Variants in CCNY observed in about 807,000 individuals in gnomAD.
CCNY encodes the protein cyclin-Y.
Under a neutral mutation model 42.8 loss-of-function variants are expected in CCNY, and 19 were observed. The ratio of observed to expected loss-of-function variants is 0.44; its 90% CI spans 0.31 to 0.65. CCNY has a LOEUF of 0.65. CCNY is among the 30% of genes least tolerant of loss of function. CCNY has a pLI of 0.07. For synonymous variants in CCNY, 165 were observed against 162.7 expected (o/e 1.01, Z -0.11); for missense variants, 370 against 437.3 (o/e 0.85, Z 1.37).
chr10:35,508,060 A>G lies in CCNY; in HGVS notation c.264+6525A>G, dbSNP rs148812944. 3.8e-4 allele frequency among the ~76,000 whole-genome samples: 58 copies of G among 152,240 alleles called. No individual in the cohort carries two copies. In the East Asian group the frequency reaches 9.8e-3, roughly 26 times the overall value. ...GCAGTCTCTGGGCAGGTACTTTAAA[A>G]CCATGTAGATATCCTGCACTTTATC... On this transcript the variant is annotated intron_variant, in intron 3 of 9. Coordinates refer to ENST00000374704, the MANE Select transcript of CCNY (RefSeq NM_145012.6).
At chr10:35,344,808 G>A (rs979625656) in intron 1 of CCNY, among the ~76,000 whole-genome samples, 80 of 151,954 alleles carry the variant, frequency 5.3e-4, no homozygotes, top group African/African-American at 1.9e-3. Context: ...TCCCACCTAT[G>A]AGTGAGAACA....
At position 35,447,483 on chromosome 10, in the gene CCNY, CCAT is replaced by C. The variant is rs1016074808; in HGVS notation, c.155-35911_155-35909del. 4.6e-5 allele frequency among the ~76,000 whole-genome samples: 7 copies of C among 152,176 alleles called. No homozygotes were observed. In the East Asian group the frequency reaches 9.6e-4, roughly 21 times the overall value. On this transcript the variant is annotated intron_variant, in intron 1 of 9. Transcript: ENST00000374704. ...TCTTGAGACAGTGGGGTGATTATGA[CCAT>C]CATCATCATTATCTCTGTCATTTCT...
intron 1 of CCNY, among the ~76,000 whole-genome samples, chr10:35,362,824 CG>C (rs536954965): frequency 2.8e-5 from 4 of 142,636 alleles, no homozygotes; most frequent in Non-Finnish European, 6.1e-5. Flanking sequence ...AGATAGTTGG[CG>C]GGGGGGCCAG....
chr10:35,378,953 A>G (rs1049245858), intron 1 of CCNY, among the ~76,000 whole-genome samples: 3 of 152,206 alleles, frequency 2.0e-5, no homozygotes, highest in Admixed American at 1.3e-4. Flanking sequence ...GAGGTTTCTC[A>G]TGGCCAGAGT....
chr10:35,287,215 G>A (rs969768512), intron 3 of CCNY, among the ~76,000 whole-genome samples: 1 of 152,074 alleles, frequency 6.6e-6, no homozygotes, highest in African/African-American at 2.4e-5. Context: ...GGCGTTGTAT[G>A]TTTCTTCAAA....
intron 7 of CCNY, among the ~76,000 whole-genome samples, chr10:35,540,270 G>A (rs932125585): frequency 2.0e-5 from 3 of 152,130 alleles, no homozygotes; most frequent in African/African-American, 7.2e-5. Context: ...TTTGTGTAGT[G>A]TTTTTATTTT....
At chr10:35,289,181 T>G (rs1161822546) in intron 3 of CCNY, among the ~76,000 whole-genome samples, 1 of 152,126 alleles carries the variant, frequency 6.6e-6, no homozygotes, top group African/African-American at 2.4e-5. Flanking sequence ...GATATTAATA[T>G]TTACTTTCTA....
intron 1 of CCNY, among the ~76,000 whole-genome samples, chr10:35,344,629 G>T (rs1430518374): frequency 6.6e-6 from 1 of 151,998 alleles, no homozygotes; most frequent in Non-Finnish European, 1.5e-5. Context: ...CAATGTGCAG[G>T]TTTATTACAT....
intron 2 of CCNY, among the ~76,000 whole-genome samples, chr10:35,494,242 C>G (rs1403414284): frequency 1.4e-5 from 2 of 140,742 alleles, no homozygotes; most frequent in African/African-American, 5.8e-5. Context: ...AGACCCCCCC[C>G]CCCATTTCTA....
intron 7 of CCNY, among the ~76,000 whole-genome samples, chr10:35,549,397 G>C (rs1483101274): frequency 1.3e-5 from 2 of 151,510 alleles, no homozygotes; most frequent in Non-Finnish European, 2.9e-5. Flanking sequence ...TCGTGACCCT[G>C]TGCTCCTCAT....
chr10:35,271,010 C>T (rs1415181358), intron 3 of CCNY, among the ~76,000 whole-genome samples: 1 of 152,124 alleles, frequency 6.6e-6, no homozygotes, highest in African/African-American at 2.4e-5. Context: ...CAGGTGTGAG[C>T]CACCAAGCTT....
At chr10:35,438,720 G>A (rs1412118025) in intron 1 of CCNY, among the ~76,000 whole-genome samples, 1 of 152,178 alleles carries the variant, frequency 6.6e-6, no homozygotes, top group Non-Finnish European at 1.5e-5. Context: ...AAGAGAAGGA[G>A]GAAAGCCTTT....
At position 35,398,275 on chromosome 10, in the gene CCNY, A is replaced by G. The variant is rs73266720; in HGVS notation, c.154+61068A>G. Among the ~76,000 whole-genome samples, 1,262 of 152,336 alleles carry G rather than the reference A, an allele frequency of 8.3e-3. 21 individuals are homozygous for G. Among genetic ancestry groups the G allele is most frequent in the African/African-American group, 0.029 (1,189 of 41,576 alleles). ...ACAGATGTGATTGTGATCCTCTCAG[A>G]GGACTGATGCATTTTGCCAGAGACA... On this transcript the variant is annotated intron_variant, in intron 1 of 9. Coordinates refer to ENST00000374704, the MANE Select transcript of CCNY (RefSeq NM_145012.6).
chr10:35,461,293 A>G (rs1036179128), intron 1 of CCNY, among the ~76,000 whole-genome samples: 4 of 152,158 alleles, frequency 2.6e-5, no homozygotes, highest in Non-Finnish European at 5.9e-5. Context: ...GAAAGAGATT[A>G]GGTTCAAGTC....
rs372027058 is a variant in CCNY at position 35,555,813 on chromosome 10, G to T, written c.746+2628G>T. On this transcript the variant is annotated intron_variant, in intron 8 of 9. Coordinates refer to ENST00000374704, the MANE Select transcript of CCNY (RefSeq NM_145012.6). ...TCAGCTGAAATTAACTTAATATCAA[G>T]AATTGTTTTGATAATGATAGCCTTA... 4.4e-4 allele frequency among the ~76,000 whole-genome samples: 67 copies of T among 152,270 alleles called. No individual in the cohort carries two copies. The South Asian group carries it at 6.4e-3, about 15-fold the overall frequency.
intron 1 of CCNY, among the ~76,000 whole-genome samples, chr10:35,476,105 C>A (rs1445318681): frequency 6.6e-6 from 1 of 152,136 alleles, no homozygotes; most frequent in East Asian, 1.9e-4. Context: ...TATATATGCA[C>A]CCAATACAGG....
intron 1 of CCNY, among the ~76,000 whole-genome samples, chr10:35,475,071 G>C (rs901454033): frequency 2.0e-5 from 3 of 152,154 alleles, no homozygotes; most frequent in African/African-American, 7.2e-5. Context: ...AATGAAGCGA[G>C]AAGGAAAGTT....
At chr10:35,282,113 CCT>C (rs1835304806) in intron 3 of CCNY, among the ~76,000 whole-genome samples, 3 of 138,262 alleles carry the variant, frequency 2.2e-5, no homozygotes, top group Non-Finnish European at 4.5e-5. Flanking sequence ...TCATCTACAC[CCT>C]TTTTTTTTTT....
intron 2 of CCNY, among the ~76,000 whole-genome samples, chr10:35,489,067 C>T (rs1465030050): frequency 6.6e-6 from 1 of 152,158 alleles, no homozygotes; most frequent in African/African-American, 2.4e-5. Flanking sequence ...ATCACGAGGT[C>T]AGGAGATCGA....
Sources: allele counts gnomAD v4.1 joint callset (sites outside exome capture counted in the v4.1 genomes callset), GRCh38; gene constraint gnomAD v4.1.1; transcripts MANE v1.5; gene names NCBI Gene and HGNC (gene_info 2026-07-23, HGNC 2026-07-21).